Variants in KCNN2 observed in about 807,000 individuals in gnomAD.
KCNN2 encodes small conductance calcium-activated potassium channel protein 2.
KCNN2 carries 24 observed loss-of-function variants against 55.5 expected under a neutral mutation model. The observed-to-expected ratio is 0.43, with a 90% CI of 0.31 to 0.61. KCNN2 has a LOEUF of 0.61. Ranked by LOEUF, KCNN2 falls within the 20% of genes least tolerant of loss-of-function variation. KCNN2 has a pLI of 0.08. For synonymous variants in KCNN2, 431 were observed against 336.1 expected (o/e 1.28, Z -3.09); for missense variants, 754 against 853.6 (o/e 0.88, Z 1.45).
At chr5:114,208,645 G>T (rs192721217) in intron 1 of KCNN2, among the ~76,000 whole-genome samples, 1 of 152,084 alleles carries the variant, frequency 6.6e-6, no homozygotes, top group Non-Finnish European at 1.5e-5. Context: ...TGAAGCTCAG[G>T]TATATGATTC....
chr5:114,080,204 C>T (rs1750779887), intron 1 of KCNN2, among the ~76,000 whole-genome samples: 1 of 152,146 alleles, frequency 6.6e-6, no homozygotes, highest in Admixed American at 6.6e-5. Context: ...GTGGATGAGA[C>T]ATTTGAAAAC....
chr5:114,463,090 C>T lies in KCNN2; in HGVS notation c.1679C>T (p.Ala560Val). ...QQDVTSNFLG[A>V]MWLISITFLS... ...GATGTTACTAGCAACTTCCTTGGAG[C>T]GATGTGGTTGATATCAATAACTTTT... Residue 560 changes from alanine (A) to valine (V), a missense_variant, in exon 4 of 8, where the codon GCG becomes GTG. By Grantham distance (64) the Ala-to-Val change is moderately conservative. Around this residue, in one of 4 missense-constraint regions of KCNN2, gnomAD observed 86 missense variants for 233.0 expected, o/e 0.37. Transcript: ENST00000673685. 6.2e-7 allele frequency: 1 copy of T among 1,613,432 alleles called. No homozygotes were observed. Among genetic ancestry groups the T allele is most frequent in the Non-Finnish European group, 8.5e-7 (1 of 1,179,508 alleles).
intron 2 of KCNN2, among the ~76,000 whole-genome samples, chr5:114,259,410 G>C (rs1175750678): frequency 1.3e-5 from 2 of 152,176 alleles, no homozygotes; most frequent in East Asian, 3.9e-4. Flanking sequence ...AGAGGACTTT[G>C]ATGGCTGTGC....
intron 2 of KCNN2, among the ~76,000 whole-genome samples, chr5:114,312,434 C>CACACACACAT (rs1561566604): frequency 4.3e-5 from 1 of 23,452 alleles, no homozygotes; most frequent in Non-Finnish European, 8.3e-5. Flanking sequence ...CACACACACA[C>CACACACACAT]ATATATATAT....
chr5:114,162,173 G>A (rs938449670), intron 1 of KCNN2, among the ~76,000 whole-genome samples: 3 of 152,128 alleles, frequency 2.0e-5, no homozygotes, highest in African/African-American at 7.2e-5. Flanking sequence ...TGTACAGACG[G>A]GTTTTTGGTG....
At chr5:114,257,707 G>A (rs1298329427) in intron 2 of KCNN2, among the ~76,000 whole-genome samples, 1 of 152,136 alleles carries the variant, frequency 6.6e-6, no homozygotes, top group Admixed American at 6.5e-5. Flanking sequence ...TTCATATCTT[G>A]AAACTTTACT....
intron 2 of KCNN2, among the ~76,000 whole-genome samples, chr5:114,319,267 GTGTCT>G (rs1399065553): frequency 1.3e-5 from 2 of 152,140 alleles, no homozygotes; most frequent in Non-Finnish European, 2.9e-5. Context: ...CTCCATTGCT[GTGTCT>G]ACCCTGAATC....
At chr5:114,257,429 T>G (rs1217059009) in intron 2 of KCNN2, among the ~76,000 whole-genome samples, 1 of 152,126 alleles carries the variant, frequency 6.6e-6, no homozygotes, top group African/African-American at 2.4e-5. Context: ...ACGTTGAATT[T>G]TACATTGCTT....
At chr5:114,339,012 C>G (rs4705664) in intron 2 of KCNN2, among the ~76,000 whole-genome samples, 3 of 152,162 alleles carry the variant, frequency 2.0e-5, no homozygotes, top group African/African-American at 7.2e-5. Context: ...GAGAATTATG[C>G]GGTCAGTCAT....
intron 1 of KCNN2, among the ~76,000 whole-genome samples, chr5:114,211,196 A>G (rs1256104060): frequency 6.6e-6 from 1 of 152,150 alleles, no homozygotes; most frequent in African/African-American, 2.4e-5. Context: ...TTGATCCAGC[A>G]ATCCCGTTAC....
At chr5:114,191,832 G>A (rs886392476) in intron 1 of KCNN2, among the ~76,000 whole-genome samples, 28 of 152,132 alleles carry the variant, frequency 1.8e-4, no homozygotes, top group Non-Finnish European at 2.4e-4. Flanking sequence ...TATCTGGATG[G>A]GTCACCAGAA....
intron 1 of KCNN2, among the ~76,000 whole-genome samples, chr5:114,143,133 T>C (rs1752322512): frequency 6.6e-6 from 1 of 152,168 alleles, no homozygotes; most frequent in African/African-American, 2.4e-5. Flanking sequence ...CATTTATTAT[T>C]AATTTTAGTG....
chr5:114,276,886 A>G (rs1392968378), intron 2 of KCNN2, among the ~76,000 whole-genome samples: 1 of 152,136 alleles, frequency 6.6e-6, no homozygotes, highest in Admixed American at 6.6e-5. Context: ...TTATGGTGCT[A>G]GCTGGTTATT....
intron 2 of KCNN2, among the ~76,000 whole-genome samples, chr5:114,400,619 A>G (rs938995592): frequency 6.6e-6 from 1 of 152,188 alleles, no homozygotes; most frequent in Non-Finnish European, 1.5e-5. Flanking sequence ...AGTCTCTTCA[A>G]ACTTATTTCC....
intron 1 of KCNN2, among the ~76,000 whole-genome samples, chr5:114,210,132 G>C (rs1324073455): frequency 6.6e-6 from 1 of 151,982 alleles, no homozygotes; most frequent in Non-Finnish European, 1.5e-5. Flanking sequence ...GCTTTTTGTT[G>C]GTGATTTTGC....
chr5:114,462,528 G>A (rs921935314), intron 3 of KCNN2, among the ~76,000 whole-genome samples: 3 of 152,154 alleles, frequency 2.0e-5, no homozygotes, highest in Non-Finnish European at 4.4e-5. Context: ...GGAGCACAGG[G>A]GAAGCACTGA....
At chr5:114,412,687 G>A (rs1405268120) in intron 3 of KCNN2, among the ~76,000 whole-genome samples, 1 of 152,134 alleles carries the variant, frequency 6.6e-6, no homozygotes, top group African/African-American at 2.4e-5. Flanking sequence ...ATTTTCAGGA[G>A]AGTCACCCAG....
At chr5:114,108,520 T>G (rs756051381) in intron 1 of KCNN2, among the ~76,000 whole-genome samples, 1 of 152,104 alleles carries the variant, frequency 6.6e-6, no homozygotes, top group African/African-American at 2.4e-5. Context: ...CCTTATGCCC[T>G]GTTCCAGTAA....
intron 3 of KCNN2, among the ~76,000 whole-genome samples, chr5:114,454,343 G>A (rs1463243185): frequency 6.6e-6 from 1 of 152,018 alleles, no homozygotes; most frequent in East Asian, 1.9e-4. Flanking sequence ...TCAAGTGTGT[G>A]CTGATCATTT....
Sources: gnomAD v4.1 joint callset for allele counts (sites outside exome capture counted in the v4.1 genomes callset) on GRCh38, gnomAD v4.1.1 for gene constraint, gnomAD v4.1.1 regional missense constraint, MANE v1.5 for transcripts, NCBI Gene and HGNC (gene_info 2026-07-23, HGNC 2026-07-21) for gene names.